PPFIA2: variants seen among roughly 807,000 people sequenced by gnomAD.
PPFIA2 encodes the protein PPFI scaffold protein A2, also known as liprin-alpha-2.
In PPFIA2, 46 loss-of-function variants were observed where a neutral mutation model predicts 175.5. The ratio of observed to expected loss-of-function variants is 0.26; its 90% CI spans 0.21 to 0.34. PPFIA2 has a LOEUF of 0.34. Among genes scored for constraint, PPFIA2 ranks in the 10% least tolerant of loss-of-function variants. The pLI is 1.00. For synonymous variants in PPFIA2, 568 were observed against 511.4 expected (o/e 1.11, Z -1.49); for missense variants, 1,179 against 1,506.1 (o/e 0.78, Z 3.60).
At chr12:81,483,394 A>T (rs1022533861) in intron 4 of PPFIA2, among the ~76,000 whole-genome samples, 4 of 152,192 alleles carry the variant, frequency 2.6e-5, no homozygotes, top group Non-Finnish European at 5.9e-5. Context: ...TAAAGTATTT[A>T]TAAGCTATAA....
At chr12:81,368,948 A>C in intron 12 of PPFIA2, 92 bp from the exon 13 acceptor site, 2 of 1,433,634 alleles carry the variant, frequency 1.4e-6, no homozygotes, top group Non-Finnish European at 1.9e-6. Flanking sequence ...ATTTAATTTT[A>C]CATCTGTTTT....
chr12:81,533,740 TATCTATCTATCTAC>T (rs982888859), intron 4 of PPFIA2, among the ~76,000 whole-genome samples: 2 of 68,574 alleles, frequency 2.9e-5, no homozygotes, highest in African/African-American at 8.0e-5. Flanking sequence ...TCTATCTATA[TATCTATCTATCTAC>T]ATATATATAT....
intron 3 of PPFIA2, among the ~76,000 whole-genome samples, chr12:81,735,124 A>C (rs4475996): frequency 0.16 from 23,944 of 151,742 alleles, 1,967 homozygotes; most frequent in Middle Eastern, 0.24. Context: ...TATACATGAA[A>C]ATATGTTTTC....
In PPFIA2 at chr12:81,323,299, A is replaced by G. The variant is rs2054076135; in HGVS notation, c.2642+2478T>C. On this transcript the variant is annotated intron_variant, in intron 22 of 32. Transcript: ENST00000549396. ...ATGGGATAGTGAGCATAGCTCTGTT[A>G]AGTACTAAGTCTTGGAAACACCATT... Among the ~76,000 whole-genome samples the G allele has an allele frequency of 2.6e-5, 4 of 152,216 alleles. No homozygotes were observed. In the South Asian group the frequency reaches 8.3e-4, roughly 32 times the overall value.
intron 4 of PPFIA2, among the ~76,000 whole-genome samples, chr12:81,574,210 T>C (rs765360686): frequency 1.3e-5 from 2 of 151,892 alleles, no homozygotes; most frequent in South Asian, 4.1e-4. Flanking sequence ...TGCATGCCAC[T>C]CCTTACCATC....
chr12:81,432,912 A>T (rs1209359422), intron 7 of PPFIA2, among the ~76,000 whole-genome samples: 1 of 152,126 alleles, frequency 6.6e-6, no homozygotes. Flanking sequence ...GCATCAAATT[A>T]TGCCAACTTT....
chr12:81,598,414 A>C, intron 4 of PPFIA2: 1 of 1,012,000 alleles, frequency 9.9e-7, no homozygotes, highest in Non-Finnish European at 1.2e-6. Context: ...CAGAGTGATT[A>C]TGCTAAATAT....
chr12:81,720,421 G>T (rs1483428187), intron 3 of PPFIA2, among the ~76,000 whole-genome samples: 1 of 151,332 alleles, frequency 6.6e-6, no homozygotes, highest in African/African-American at 2.4e-5. Context: ...ACCTAAAATG[G>T]GTAGAATATA....
At chr12:81,515,355 G>A (rs4441099) in intron 4 of PPFIA2, among the ~76,000 whole-genome samples, 76,773 of 151,640 alleles carry the variant, frequency 0.51, 19,756 homozygotes, top group African/African-American at 0.59. Flanking sequence ...CAACATAGAT[G>A]TAAACACACT....
chr12:81,540,918 A>G (rs1266820138), intron 4 of PPFIA2, among the ~76,000 whole-genome samples: 1 of 152,012 alleles, frequency 6.6e-6, no homozygotes, highest in East Asian at 1.9e-4. Context: ...TGTCACAAAA[A>G]CAATTAAAGT....
In PPFIA2 at chr12:81,540,021, G is replaced by T. The variant is rs2065965303; in HGVS notation, c.304-82155C>A. ...TTCCAGAAGAGGGGTTTGTTTATCT[G>T]CAAGAATTCCCACAATGTGGAAAAA... On this transcript the variant is annotated intron_variant, in intron 4 of 32. Transcript: ENST00000549396. Among the ~76,000 whole-genome samples, 4 of 151,984 alleles carry T rather than the reference G, an allele frequency of 2.6e-5. No homozygotes were observed. In the South Asian group the frequency reaches 8.3e-4, roughly 32 times the overall value.
At chr12:81,308,239 G>A (rs1377123843) in intron 22 of PPFIA2, among the ~76,000 whole-genome samples, 1 of 152,182 alleles carries the variant, frequency 6.6e-6, no homozygotes, top group African/African-American at 2.4e-5. Context: ...GGTTCTGGAT[G>A]CAGACAAATT....
intron 7 of PPFIA2, among the ~76,000 whole-genome samples, chr12:81,439,667 T>C (rs2049799740): frequency 6.6e-6 from 1 of 152,276 alleles, no homozygotes; most frequent in East Asian, 1.9e-4. Context: ...TGTGTTCCAA[T>C]TTTGAGCTGT....
chr12:81,476,285 G>C (rs1445407487), intron 4 of PPFIA2, among the ~76,000 whole-genome samples: 1 of 152,144 alleles, frequency 6.6e-6, no homozygotes. Context: ...ATTTAGTCTA[G>C]GTTTTTGTAG....
intron 8 of PPFIA2, among the ~76,000 whole-genome samples, chr12:81,389,858 T>A (rs1400710836): frequency 6.6e-6 from 1 of 152,094 alleles, no homozygotes; most frequent in Non-Finnish European, 1.5e-5. Flanking sequence ...TGGAGTTTAG[T>A]ATACTTACAG....
At chr12:81,600,752 T>C (rs1567524707) in intron 4 of PPFIA2, among the ~76,000 whole-genome samples, 1 of 151,996 alleles carries the variant, frequency 6.6e-6, no homozygotes, top group East Asian at 1.9e-4. Flanking sequence ...ATGTAACTCA[T>C]GTTCCCCACA....
intron 4 of PPFIA2, among the ~76,000 whole-genome samples, chr12:81,527,137 A>G (rs2063824057): frequency 6.6e-6 from 1 of 152,174 alleles, no homozygotes; most frequent in Non-Finnish European, 1.5e-5. Flanking sequence ...TCAAGAATTC[A>G]GCTAATCAAT....
chr12:81,606,535 CATT>C (rs756890144), intron 4 of PPFIA2, among the ~76,000 whole-genome samples: 8 of 152,060 alleles, frequency 5.3e-5, no homozygotes, highest in Non-Finnish European at 8.8e-5. Context: ...GATAGTATCT[CATT>C]GTGGTTTTCA....
At chr12:81,390,175 A>T (rs1184109120) in intron 8 of PPFIA2, among the ~76,000 whole-genome samples, 1 of 152,040 alleles carries the variant, frequency 6.6e-6, no homozygotes, top group African/African-American at 2.4e-5. Flanking sequence ...CATGTTATTT[A>T]TATATTCATC....
Sources: allele counts gnomAD v4.1 joint callset (sites outside exome capture counted in the v4.1 genomes callset), GRCh38; gene constraint gnomAD v4.1.1; transcripts MANE v1.5; gene names NCBI Gene and HGNC (gene_info 2026-07-23, HGNC 2026-07-21).